The following ITGBL1 variants were observed in gnomAD, a reference collection of about 807,000 sequenced individuals.
ITGBL1 encodes the protein integrin beta-like protein 1.
In ITGBL1, 51 loss-of-function variants were observed where a neutral mutation model predicts 68.5. The observed-to-expected ratio is 0.74, with a 90% CI of 0.59 to 0.94. The LOEUF (loss-of-function observed/expected upper bound fraction) is 0.94, where lower values mean the gene tolerates loss of function less well. Among genes scored for constraint, ITGBL1 ranks in the 40% least tolerant of loss-of-function variants. The pLI is 0.00. For missense variants in ITGBL1, 649 were observed against 647.4 expected, an observed-to-expected ratio of 1.00 and a Z score of -0.03; for synonymous variants, 209 against 227.3, an observed-to-expected ratio of 0.92 and a Z score of 0.72.
At chr13:101,476,794 T>A (rs2048543192) in intron 2 of ITGBL1, among the ~76,000 whole-genome samples, 1 of 152,076 alleles carries the variant, frequency 6.6e-6, no homozygotes, top group African/African-American at 2.4e-5. Context: ...AGCAAGAAGT[T>A]ATAGCAAGTG....
chr13:101,709,093 C>T (rs961262105), intron 9 of ITGBL1, among the ~76,000 whole-genome samples: 7 of 152,108 alleles, frequency 4.6e-5, no homozygotes, highest in South Asian at 4.1e-4. Context: ...AGGCCGGGCG[C>T]GGTGGCTCAC....
intron 2 of ITGBL1, among the ~76,000 whole-genome samples, chr13:101,477,149 A>G (rs9557664): frequency 0.14 from 21,680 of 152,152 alleles, 2,054 homozygotes; most frequent in East Asian, 0.43. Context: ...ATATCTTCTC[A>G]GACCACAATG....
At chr13:101,622,230 C>T (rs2031611480) in intron 7 of ITGBL1, among the ~76,000 whole-genome samples, 1 of 152,104 alleles carries the variant, frequency 6.6e-6, no homozygotes, top group South Asian at 2.1e-4. Flanking sequence ...GTTCTAGGCA[C>T]TGTTCTAAAT....
chr13:101,579,498 C>A, intron 5 of ITGBL1, 71 bp downstream of exon 5: 2 of 1,487,174 alleles, frequency 1.3e-6, no homozygotes, highest in South Asian at 1.3e-5. Context: ...CACTTCTTTT[C>A]TTTGTATTTC....
At chr13:101,478,502 A>T (rs980012066) in intron 2 of ITGBL1, among the ~76,000 whole-genome samples, 1 of 152,076 alleles carries the variant, frequency 6.6e-6, no homozygotes, top group Admixed American at 6.6e-5. Flanking sequence ...TAAGAAAAAG[A>T]AATAATGTTC....
chr13:101,473,336 C>T (rs991493370), intron 2 of ITGBL1, among the ~76,000 whole-genome samples: 1 of 152,204 alleles, frequency 6.6e-6, no homozygotes, highest in Non-Finnish European at 1.5e-5. Context: ...GAGATCATCT[C>T]TGTGCTGTTG....
chr13:101,557,355 A>C (rs1283259504), intron 2 of ITGBL1, among the ~76,000 whole-genome samples: 1 of 152,222 alleles, frequency 6.6e-6, no homozygotes, highest in African/African-American at 2.4e-5. Flanking sequence ...ATATGCTTAC[A>C]TACATATGTG....
At chr13:101,542,539 T>A (rs2049728618) in intron 2 of ITGBL1, among the ~76,000 whole-genome samples, 1 of 152,154 alleles carries the variant, frequency 6.6e-6, no homozygotes, top group African/African-American at 2.4e-5. Context: ...TCTGTTGATT[T>A]GGGGTGGAGA....
chr13:101,707,032 C>A, intron 9 of ITGBL1, 130 bp downstream of exon 9: 1 of 838,704 alleles, frequency 1.2e-6, no homozygotes, highest in South Asian at 2.5e-5. Flanking sequence ...CTGCTGTCCC[C>A]AACTTGAAGC....
intron 2 of ITGBL1, among the ~76,000 whole-genome samples, chr13:101,517,857 T>C (rs114981476): frequency 0.015 from 2,248 of 152,278 alleles, 63 homozygotes; most frequent in African/African-American, 0.051. Context: ...GGTGGCTACT[T>C]ACCTGTGCCA....
chr13:101,708,168 G>A lies in ITGBL1; in HGVS notation c.1279+1266G>A, dbSNP rs183223799. On this transcript the variant is annotated intron_variant, in intron 9 of 10. Transcript: ENST00000376180. ...ATGTTTCTGTATACTATTCTTGAAG[G>A]GACTTTAAAATCCTGCCATTGTAAT... Among the ~76,000 whole-genome samples, 17 of 152,014 alleles carry A rather than the reference G, an allele frequency of 1.1e-4. No homozygotes were observed. In the East Asian group the frequency reaches 2.9e-3, roughly 26 times the overall value.
intron 3 of ITGBL1, 80 bp from the exon 4 acceptor site, chr13:101,575,344 T>G: frequency 3.0e-5 from 40 of 1,311,708 alleles, no homozygotes; most frequent in Non-Finnish European, 4.1e-5. Context: ...TCTACTCTCT[T>G]GAGAGAGATG....
At chr13:101,536,702 C>T (rs1404932618) in intron 2 of ITGBL1, among the ~76,000 whole-genome samples, 1 of 151,920 alleles carries the variant, frequency 6.6e-6, no homozygotes, top group African/African-American at 2.4e-5. Context: ...TAATCTGCCT[C>T]ATAAAGACTT....
At chr13:101,638,767 T>C (rs1028023915) in intron 7 of ITGBL1, among the ~76,000 whole-genome samples, 6 of 152,194 alleles carry the variant, frequency 3.9e-5, no homozygotes, top group African/African-American at 7.2e-5. Context: ...TTATGGGAGC[T>C]ACAATTCAAG....
At chr13:101,630,863 G>A (rs918487132) in intron 7 of ITGBL1, among the ~76,000 whole-genome samples, 5 of 152,038 alleles carry the variant, frequency 3.3e-5, no homozygotes, top group African/African-American at 1.2e-4. Context: ...TTTTGTTATT[G>A]TTTAATTGGA....
chr13:101,604,903 T>C (rs79540689), intron 7 of ITGBL1, among the ~76,000 whole-genome samples: 9,303 of 46,028 alleles, frequency 0.2, 1,533 homozygotes, highest in East Asian at 0.37. Context: ...CACACACACA[T>C]ATATATGTGC....
chr13:101,594,455 G>A (rs9518458), intron 6 of ITGBL1, among the ~76,000 whole-genome samples: 31,082 of 152,126 alleles, frequency 0.2, 3,303 homozygotes, highest in Admixed American at 0.26. Context: ...AGACTTATAT[G>A]TAAAACCTGA....
At chr13:101,708,082 G>T (rs1474862534) in intron 9 of ITGBL1, among the ~76,000 whole-genome samples, 1 of 149,234 alleles carries the variant, frequency 6.7e-6, no homozygotes, top group Non-Finnish European at 1.5e-5. Flanking sequence ...CACACAAATT[G>T]GAAGAGGATT....
At chr13:101,601,987 A>G (rs2030412644) in intron 7 of ITGBL1, among the ~76,000 whole-genome samples, 1 of 152,078 alleles carries the variant, frequency 6.6e-6, no homozygotes. Flanking sequence ...TCCATGAATG[A>G]AAGTACATGG....
Sources: allele counts gnomAD v4.1 joint callset (sites outside exome capture counted in the v4.1 genomes callset), GRCh38; gene constraint gnomAD v4.1.1; transcripts MANE v1.5; gene names NCBI Gene and HGNC (gene_info 2026-07-23, HGNC 2026-07-21).